Variants in ANK3 observed in about 807,000 individuals in gnomAD.
ANK3 encodes the protein ankyrin-3.
A neutral mutation model predicts 370.9 loss-of-function variants in ANK3; 57 were observed. The ratio of observed to expected loss-of-function variants is 0.15; its 90% CI spans 0.12 to 0.19. ANK3 has a LOEUF of 0.19. Ranked by LOEUF, ANK3 falls within the 10% of genes least tolerant of loss-of-function variation. ANK3 has a pLI of 1.00. For synonymous variants in ANK3, 1,929 were observed against 1,946.3 expected (o/e 0.99, Z 0.23); for missense variants, 4,439 against 5,302.1 (o/e 0.84, Z 5.06).
rs369958413 is a variant in ANK3 at position 60,074,746 on chromosome 10, T to C, written c.6135A>G (p.Ser2045=). 1 of 1,614,068 alleles carries C rather than the reference T, an allele frequency of 6.2e-7. No homozygotes were observed. Among genetic ancestry groups the C allele is most frequent in the Non-Finnish European group, 8.5e-7 (1 of 1,180,006 alleles). Residue 2045 remains serine (S), a synonymous_variant, in exon 37 of 44, where the codon TCA becomes TCG. Transcript: ENST00000280772. ...CAAACTTGTATTTTAAGTTTGTCAG[T>C]GAACTACTCCCAATATCATTTGTTA... The part of the protein sequence containing the change: ...DYLTNDIGSS[S]LTNLKYKFED...
intron 1 of ANK3, among the ~76,000 whole-genome samples, chr10:60,363,928 G>C (rs1354792535): frequency 1.3e-5 from 2 of 150,282 alleles, no homozygotes; most frequent in Non-Finnish European, 2.9e-5. Flanking sequence ...AACAACAAAG[G>C]TGTTACCAGC....
intron 24 of ANK3, among the ~76,000 whole-genome samples, chr10:60,136,128 C>A (rs975038928): frequency 4.0e-5 from 6 of 151,826 alleles, no homozygotes; most frequent in Non-Finnish European, 5.9e-5. Context: ...CTTCTTTCCG[C>A]CATTCCTGTT....
intron 2 of ANK3, among the ~76,000 whole-genome samples, chr10:60,444,455 TA>T (rs915782139): frequency 7.3e-5 from 11 of 151,042 alleles, no homozygotes; most frequent in African/African-American, 2.4e-4. Context: ...TATATATATA[TA>T]TATATATAAA....
chr10:60,642,416 A>C (rs2078647188), intron 1 of ANK3, among the ~76,000 whole-genome samples: 1 of 152,130 alleles, frequency 6.6e-6, no homozygotes, highest in Admixed American at 6.5e-5. Flanking sequence ...GATTAAGAAA[A>C]TGTGGCACAT....
At chr10:60,161,596 A>T (rs2132281008) in intron 23 of ANK3, among the ~76,000 whole-genome samples, 1 of 152,258 alleles carries the variant, frequency 6.6e-6, no homozygotes, top group East Asian at 1.9e-4. Flanking sequence ...AAAAACATGG[A>T]TGGAATTGGA....
chr10:60,660,934 A>ACACACACACACACACACACACACC (rs373156861), intron 1 of ANK3, among the ~76,000 whole-genome samples: 1 of 151,736 alleles, frequency 6.6e-6, no homozygotes, highest in African/African-American at 2.4e-5. Context: ...ACACACACAC[A>ACACACACACACACACACACACACC]CCCCACATCT....
chr10:60,493,824 A>G (rs2075586885), intron 2 of ANK3, among the ~76,000 whole-genome samples: 1 of 152,180 alleles, frequency 6.6e-6, no homozygotes, highest in African/African-American at 2.4e-5. Flanking sequence ...GAGAGTATAC[A>G]GTAAGAATGA....
chr10:60,660,060 A>G (rs1390760454), intron 1 of ANK3, among the ~76,000 whole-genome samples: 1 of 152,154 alleles, frequency 6.6e-6, no homozygotes, highest in Non-Finnish European at 1.5e-5. Context: ...ATATGAAGGT[A>G]CATAAGTATA....
chr10:60,244,424 C>T (rs1292500898), intron 7 of ANK3, among the ~76,000 whole-genome samples: 1 of 152,044 alleles, frequency 6.6e-6, no homozygotes, highest in East Asian at 1.9e-4. Context: ...TTGACATGCT[C>T]CCACTGAAGA....
At position 60,071,663 on chromosome 10, in the gene ANK3, C is replaced by G. The variant is rs2082713256; in HGVS notation, c.9218G>C (p.Gly3073Ala). 6.2e-7 allele frequency: 1 copy of G among 1,607,472 alleles called. No homozygotes were observed. Among genetic ancestry groups the G allele is most frequent in the East Asian group, 2.2e-5 (1 of 44,868 alleles). ...GGCTAGTGGTGCGAGTTTTTCCAAT[C>G]CATCAATGGGACTGTGGTCGAATAC... ...SDVFDHSPID[G>A]LEKLAPLAQT... The change falls in exon 37 of 44, where the codon GGA becomes GCA. Residue 3073 changes from glycine (G) to alanine (A), a missense_variant. Gly to Ala is a moderately conservative substitution (Grantham distance 60). This residue lies in a region of ANK3 where 1,601 missense variants were observed against 1,731.7 expected (regional missense o/e 0.92). Transcript: ENST00000280772.
intron 1 of ANK3, among the ~76,000 whole-genome samples, chr10:60,340,339 T>C (rs916687535): frequency 2.0e-5 from 3 of 152,186 alleles, no homozygotes; most frequent in Non-Finnish European, 4.4e-5. Flanking sequence ...AGTCAGGCAA[T>C]CCTCTTGCTT....
chr10:60,068,994 T>C lies in ANK3; in HGVS notation c.11887A>G (p.Thr3963Ala), dbSNP rs886511672. 1 of 1,613,712 alleles carries C rather than the reference T, an allele frequency of 6.2e-7. No individual in the cohort carries two copies. Among genetic ancestry groups the C allele is most frequent in the African/African-American group, 1.3e-5 (1 of 74,990 alleles). The change falls in exon 37 of 44, where the codon ACC becomes GCC. Residue 3963 changes from threonine (T) to alanine (A), a missense_variant. Around this residue, in one of 13 missense-constraint regions of ANK3, gnomAD observed 496 missense variants for 529.3 expected, o/e 0.94. Coordinates refer to ENST00000280772, the MANE Select transcript of ANK3 (RefSeq NM_020987.5). ...GTGGTGGTGGTGGTGGCAGTGGTGGTGGTGGTAGTGACACAGGTGGATCTT... is the reference window on the plus strand; with the variant it reads ...GTGGTGGTGGTGGTGGCAGTGGTGGCGGTGGTAGTGACACAGGTGGATCTT... ...KVRSTCVTTTTTTATTTTTTT... is the reference protein window; with the variant it reads ...KVRSTCVTTTATTATTTTTTT...
intron 9 of ANK3, 26 bp downstream of exon 9, chr10:60,213,386 T>C (rs1391265868): frequency 6.5e-7 from 1 of 1,527,146 alleles, no homozygotes. Flanking sequence ...TACAGTCCAA[T>C]GTCCAGAAAC....
intron 8 of ANK3, among the ~76,000 whole-genome samples, chr10:60,231,098 G>C (rs1406969159): frequency 6.6e-6 from 1 of 152,120 alleles, no homozygotes; most frequent in Non-Finnish European, 1.5e-5. Flanking sequence ...CTATGACTCA[G>C]AAGGGTGAAC....
At chr10:60,643,816 T>C (rs1285143049) in intron 1 of ANK3, among the ~76,000 whole-genome samples, 1 of 152,148 alleles carries the variant, frequency 6.6e-6, no homozygotes, top group African/African-American at 2.4e-5. Flanking sequence ...GACATGTTTA[T>C]CTGAGGGACT....
At chr10:60,400,525 G>A (rs908299020) in intron 2 of ANK3, among the ~76,000 whole-genome samples, 1 of 151,724 alleles carries the variant, frequency 6.6e-6, no homozygotes, top group African/African-American at 2.4e-5. Flanking sequence ...TATCAAGGTG[G>A]CAATAAAACC....
chr10:60,074,586 C>G lies in ANK3; in HGVS notation c.6295G>C (p.Ala2099Pro). Residue 2099 changes from alanine to proline, a missense_variant, in exon 37 of 44, where the codon GCT (alanine) becomes CCT (proline). Physicochemically the swap from Ala to Pro is conservative, Grantham distance 27. Around this residue, in one of 13 missense-constraint regions of ANK3, gnomAD observed 679 missense variants for 791.0 expected, o/e 0.86. Transcript: ENST00000280772. ...GTATCTGTTCCAAAAAAGGAATCAG[C>G]CATTTTACACAATTCTTTCTCAGAG... ...STSEKELCKM[A>P]DSFFGTDTIL... The G allele has an allele frequency of 6.2e-7, 1 of 1,614,084 alleles. No homozygotes were observed. Among genetic ancestry groups the G allele is most frequent in the Non-Finnish European group, 8.5e-7 (1 of 1,180,018 alleles).
intron 7 of ANK3, among the ~76,000 whole-genome samples, chr10:60,244,158 G>C (rs1425394298): frequency 1.3e-5 from 2 of 152,104 alleles, no homozygotes; most frequent in Non-Finnish European, 2.9e-5. Context: ...CATCAAAACA[G>C]GGGCATGTCT....
intron 2 of ANK3, among the ~76,000 whole-genome samples, chr10:60,575,219 T>A (rs1224915369): frequency 1.3e-5 from 2 of 152,172 alleles, no homozygotes; most frequent in African/African-American, 4.8e-5. Flanking sequence ...AGGAAATGAA[T>A]CAACCTGTGA....
Sources: gnomAD v4.1 joint callset for allele counts (sites outside exome capture counted in the v4.1 genomes callset) on GRCh38, gnomAD v4.1.1 for gene constraint, gnomAD v4.1.1 regional missense constraint, MANE v1.5 for transcripts, NCBI Gene and HGNC (gene_info 2026-07-23, HGNC 2026-07-21) for gene names.